MYCBP2: variants seen among roughly 807,000 people sequenced by gnomAD.
MYCBP2 encodes the protein E3 ubiquitin-protein ligase MYCBP2.
Under a neutral mutation model 525.3 loss-of-function variants are expected in MYCBP2, and 120 were observed. That is an observed-to-expected ratio of 0.23 (90% CI 0.20 to 0.27). The LOEUF (loss-of-function observed/expected upper bound fraction) is 0.27, where lower values mean the gene tolerates loss of function less well. Ranked by LOEUF, MYCBP2 falls within the 10% of genes least tolerant of loss-of-function variation. MYCBP2 has a pLI of 1.00. For missense variants in MYCBP2, 4,149 were observed against 5,657.1 expected (o/e 0.73, Z 8.55); for synonymous variants, 1,894 against 1,955.8 (o/e 0.97, Z 0.83).
intron 46 of MYCBP2, among the ~76,000 whole-genome samples, chr13:77,155,249 T>C (rs751194771): frequency 3.2e-4 from 49 of 152,106 alleles, no homozygotes; most frequent in Non-Finnish European, 2.4e-4. Flanking sequence ...ACGCTATAAA[T>C]GAAAGAATGC....
intron 18 of MYCBP2, among the ~76,000 whole-genome samples, chr13:77,230,033 A>G (rs1594135536): frequency 1.3e-5 from 2 of 152,342 alleles, no homozygotes; most frequent in African/African-American, 4.8e-5. Flanking sequence ...TATAGTTTAT[A>G]GGCACATTTT....
intron 18 of MYCBP2, among the ~76,000 whole-genome samples, chr13:77,231,319 G>A (rs570529498): frequency 1.3e-5 from 2 of 152,246 alleles, no homozygotes; most frequent in East Asian, 3.9e-4. Context: ...CTGCCTCCCA[G>A]GCTCAAGTGA....
rs2051503043 is a variant in MYCBP2 at position 77,125,544 on chromosome 13, T to C, written c.7885-76A>G. 3 of 1,527,282 alleles carry C rather than the reference T, an allele frequency of 2.0e-6. No individual in the cohort carries two copies. In the Admixed American group the frequency reaches 5.2e-5, roughly 27 times the overall value. 94.6% of individuals were successfully genotyped at this position (1,527,282 alleles called of 1,614,324 possible). A position where few individuals can be genotyped will look rare whatever the true frequency, so the allele number is the denominator to read the frequency against. ...TCAGTCTGAAAACCAGTAAAAATCT[T>C]ACGTGTCTGAATAGTGTAATCATTC... On this transcript the variant is annotated intron_variant, in intron 53 of 82. Transcript: ENST00000544440.
At position 77,270,013 on chromosome 13, in the gene MYCBP2, C is replaced by T; in HGVS notation, c.1239G>A (p.Lys413=). Residue 413 remains lysine, a synonymous_variant, in exon 7 of 83, where the codon AAG becomes AAA. Coordinates refer to ENST00000544440, the MANE Select transcript of MYCBP2 (RefSeq NM_015057.5). ...TTACCTGAGCATACCCTAACCAAGA[C>T]TTTTTTTCTTTTCTGTTTCTAATAC... is the stretch of plus-strand genomic sequence containing the variant. ...TSRIRNRKEK[K]SWLGYAQGYL... The T allele has an allele frequency of 6.2e-7, 1 of 1,612,028 alleles. No individual in the cohort carries two copies. The highest frequency in any genetic ancestry group is 8.5e-7 in the Non-Finnish European group (1 of 1,179,404).
chr13:77,181,709 G>C lies in MYCBP2; in HGVS notation c.4933C>G (p.Leu1645Val). The C allele has an allele frequency of 6.2e-7, 1 of 1,613,632 alleles. No individual in the cohort carries two copies. Residue 1645 changes from leucine (L) to valine (V), a missense_variant, in exon 33 of 83, where the codon CTC becomes GTC. By Grantham distance (32) the Leu-to-Val change is conservative. This residue lies in a region of MYCBP2 where 292 missense variants were observed against 330.5 expected (regional missense o/e 0.88). Transcript: ENST00000544440. Reference protein sequence around the residue: ...FPLLVAHMEKLSQSEENISGM... With the variant: ...FPLLVAHMEKVSQSEENISGM... The stretch of plus-strand genomic sequence containing the variant: ...TTCAGAGACAGACCTACCTGGCTGA[G>C]TTTTTCCATATGTGCCACCAAAAGG...
intron 1 of MYCBP2, among the ~76,000 whole-genome samples, chr13:77,322,585 G>T (rs756103959): frequency 2.0e-4 from 31 of 152,216 alleles, no homozygotes; most frequent in Non-Finnish European, 4.1e-4. Flanking sequence ...ATAACAACAG[G>T]TAACATTTCA....
chr13:77,055,486 G>T, intron 80 of MYCBP2, 72 bp downstream of exon 80: 2 of 1,240,660 alleles, frequency 1.6e-6, no homozygotes, highest in Non-Finnish European at 2.3e-6. Flanking sequence ...AGATATCACT[G>T]TACAATTTGA....
rs1433713307 is a variant in MYCBP2, at chr13:77,087,503, C to G, written c.10856G>C (p.Ser3619Thr). The G allele has an allele frequency of 6.2e-7, 1 of 1,611,052 alleles. No homozygotes were observed. The highest frequency in any genetic ancestry group is 8.5e-7 in the Non-Finnish European group (1 of 1,178,452). Residue 3619 changes from serine to threonine, a missense_variant, in exon 62 of 83, where the codon AGC becomes ACC. By Grantham distance (58) the Ser-to-Thr change is moderately conservative. Coordinates refer to ENST00000544440, the MANE Select transcript of MYCBP2 (RefSeq NM_015057.5). Reference sequence around the variant, plus strand: ...ATTTACTTGTTCTGAATTTTCTTTGCTTGTTTTATTTTCTTCATCCTCTTC... The same window carrying G: ...ATTTACTTGTTCTGAATTTTCTTTGGTTGTTTTATTTTCTTCATCCTCTTC... ...EEEEDEENKT[S>T]KENSEQEKDT... is the part of the protein sequence containing the mutation.
At chr13:77,294,107 T>TATATATATATATATATATATATATACAC (rs1555465496) in intron 2 of MYCBP2, among the ~76,000 whole-genome samples, 2 of 43,880 alleles carry the variant, frequency 4.6e-5, no homozygotes, top group Non-Finnish European at 1.3e-4. Context: ...ATAATGGCTA[T>TATATATATATATATATATATATATACAC]ATATATATAT....
chr13:77,103,951 T>C (rs1264384496), intron 55 of MYCBP2, among the ~76,000 whole-genome samples: 2 of 152,102 alleles, frequency 1.3e-5, no homozygotes, highest in East Asian at 3.9e-4. Flanking sequence ...AGAAAATTTA[T>C]AAGTTATTGA....
chr13:77,099,117 T>C (rs555375350), intron 55 of MYCBP2, 104 bp from the exon 56 acceptor site: 3 of 1,398,638 alleles, frequency 2.1e-6, no homozygotes, highest in Non-Finnish European at 2.9e-6. Context: ...AAAATTTATA[T>C]TGTTTGTCAT....
chr13:77,061,312 A>T lies in MYCBP2; in HGVS notation c.12904-11T>A. 1 of 1,587,638 alleles carries T rather than the reference A, an allele frequency of 6.3e-7. No individual in the cohort carries two copies. The highest frequency in any genetic ancestry group is 8.5e-7 in the Non-Finnish European group (1 of 1,170,426). On this transcript the variant is annotated splice_polypyrimidine_tract_variant and intron_variant, in intron 75 of 82. Coordinates refer to ENST00000544440, the MANE Select transcript of MYCBP2 (RefSeq NM_015057.5). ...TTCTTCTTTGAAGACCTATTATTTC[A>T]TTAAAGAACAGGGAAAAATATGCTT...
At chr13:77,176,761 A>C in intron 35 of MYCBP2, 133 bp from the exon 36 acceptor site, 1 of 747,022 alleles carries the variant, frequency 1.3e-6, no homozygotes, top group Non-Finnish European at 1.9e-6. Flanking sequence ...ATTTTCCCAT[A>C]CATATGAAAG....
In MYCBP2 at chr13:77,272,097, G is replaced by A. The variant is rs540503194; in HGVS notation, c.945+1375C>T. Among the ~76,000 whole-genome samples the A allele has an allele frequency of 4.6e-5, 7 of 152,284 alleles. No individual in the cohort carries two copies. In the East Asian group the frequency reaches 1.4e-3, roughly 29 times the overall value. Reference sequence around the variant, plus strand: ...GAGCATAAATATTGGAGACAGATAAGCCCTCGAGTCCTGTCTCTGTTATTT... The same window carrying A: ...GAGCATAAATATTGGAGACAGATAAACCCTCGAGTCCTGTCTCTGTTATTT... On this transcript the variant is annotated intron_variant, in intron 5 of 82. Transcript: ENST00000544440.
At position 77,225,470 on chromosome 13, in the gene MYCBP2, C is replaced by T. The variant is rs755175246; in HGVS notation, c.2822G>A (p.Arg941Gln). Residue 941 changes from arginine (R) to glutamine (Q), a missense_variant, in exon 19 of 83, where the codon CGG becomes CAG. Arg to Gln is a conservative substitution (Grantham distance 43). Around this residue, in one of 21 missense-constraint regions of MYCBP2, gnomAD observed 620 missense variants for 795.5 expected, o/e 0.78. Transcript: ENST00000544440. ...AAATCCACAGCTGACTTGGACTGCC[C>T]GGAGCTCACAGTCAAATCGCACAGA... ...PGSVRFDCEL[R>Q]AVQVSCGFHH... The T allele has an allele frequency of 5.6e-6, 9 of 1,613,542 alleles. No homozygotes were observed. Among genetic ancestry groups the T allele is most frequent in the South Asian group, 2.2e-5 (2 of 91,060 alleles).
At chr13:77,273,163 A>T (rs2075105270) in intron 5 of MYCBP2, among the ~76,000 whole-genome samples, 1 of 152,216 alleles carries the variant, frequency 6.6e-6, no homozygotes, top group South Asian at 2.1e-4. Flanking sequence ...AAACTCAGGG[A>T]AAGATGGGAA....
Position 77,220,943 on chromosome 13 carries a change from T to C in MYCBP2, c.2940-2986A>G, listed in dbSNP as rs183860153. On this transcript the variant is annotated intron_variant, in intron 20 of 82. Transcript: ENST00000544440. ...ATGTAATCAGTCTTTCAGTTACCAC[T>C]CAATGGAACAAGGACCAAAACATTC... Among the ~76,000 whole-genome samples the C allele has an allele frequency of 7.4e-3, 1,123 of 152,296 alleles. 7 individuals carry two copies. Among genetic ancestry groups the C allele is most frequent in the Non-Finnish European group, 0.011 (749 of 68,018 alleles).
At chr13:77,236,444 AATT>A (rs1442914577) in intron 17 of MYCBP2, among the ~76,000 whole-genome samples, 1 of 152,154 alleles carries the variant, frequency 6.6e-6, no homozygotes, top group African/African-American at 2.4e-5. Flanking sequence ...AGATCATAAA[AATT>A]ATTATCCTTT....
At chr13:77,194,604 C>A (rs980756935) in intron 26 of MYCBP2, among the ~76,000 whole-genome samples, 3 of 152,016 alleles carry the variant, frequency 2.0e-5, no homozygotes, top group Admixed American at 1.3e-4. Context: ...TGAGATTCTA[C>A]CTCATTCTAA....
Sources: gnomAD v4.1 joint callset for allele counts (sites outside exome capture counted in the v4.1 genomes callset) on GRCh38, gnomAD v4.1.1 for gene constraint, gnomAD v4.1.1 regional missense constraint, MANE v1.5 for transcripts, NCBI Gene and HGNC (gene_info 2026-07-23, HGNC 2026-07-21) for gene names.